Variants in CYP2A13 observed in about 807,000 individuals in gnomAD.
The protein encoded by CYP2A13 is cytochrome P450 2A13.
Under a neutral mutation model 39.4 loss-of-function variants are expected in CYP2A13, and 30 were observed. The observed-to-expected ratio is 0.76, with a 90% CI of 0.57 to 1.03. The LOEUF is 1.03. Ranked by LOEUF, CYP2A13 falls within the 50% of genes least tolerant of loss-of-function variation. CYP2A13 has a pLI of 0.00. For synonymous variants in CYP2A13, 269 were observed against 254.7 expected, an observed-to-expected ratio of 1.06 and a Z score of -0.54; for missense variants, 731 against 648.4, an observed-to-expected ratio of 1.13 and a Z score of -1.38.
chr19:41,094,146 A>T, intron 6 of CYP2A13, 99 bp from the exon 7 acceptor site: 1 of 1,528,340 alleles, frequency 6.5e-7, no homozygotes, highest in Non-Finnish European at 8.8e-7. Flanking sequence ...CCTCCGTGTC[A>T]TAGGTGGAGC....
At chr19:41,095,146 G>C (rs771376706) in intron 8 of CYP2A13, 46 bp downstream of exon 8, 1 of 1,613,826 alleles carries the variant, frequency 6.2e-7, no homozygotes, top group Admixed American at 1.7e-5. Flanking sequence ...ACACCAGCAG[G>C]GGCCTCTCTC....
intron 6 of CYP2A13, 102 bp downstream of exon 6, chr19:41,093,873 C>A: frequency 1.5e-6 from 2 of 1,374,566 alleles, no homozygotes; most frequent in Non-Finnish European, 2.0e-6. Context: ...GACCCTGAGA[C>A]GTGCCTTGCT....
chr19:41,093,859 C>T (rs2031243039), intron 6 of CYP2A13, 88 bp downstream of exon 6: 6 of 1,497,266 alleles, frequency 4.0e-6, no homozygotes, highest in South Asian at 1.3e-5. Flanking sequence ...ATCCCAGATC[C>T]CAGGACCCTG....
In CYP2A13 at chr19:41,095,031, A is replaced by G; in HGVS notation, c.1234A>G (p.Asn412Asp). Reference sequence around the variant, plus strand: ...GTTCTTCTCCAACCCCCGGGACTTCAATCCCCAGCACTTCCTGGATAAGAA... The same window carrying G: ...GTTCTTCTCCAACCCCCGGGACTTCGATCCCCAGCACTTCCTGGATAAGAA... ...PRFFSNPRDF[N>D]PQHFLDKKGQ... The change falls in exon 8 of 9, where the codon AAT (asparagine) becomes GAT (aspartate). Residue 412 changes from asparagine to aspartate, a missense_variant. By Grantham distance (23) the Asn-to-Asp change is conservative. Transcript: ENST00000330436. 1 of 1,614,132 alleles carries G rather than the reference A, an allele frequency of 6.2e-7. No homozygotes were observed. The highest frequency in any genetic ancestry group is 8.5e-7 in the Non-Finnish European group (1 of 1,180,034).
At position 41,095,936 on chromosome 19, in the gene CYP2A13, C is replaced by T. The variant is rs138870349; in HGVS notation, c.1480C>T (p.Arg494Cys). The T allele has an allele frequency of 2.6e-4, 397 of 1,505,954 alleles. 3 individuals carry two copies. In the East Asian group the frequency reaches 2.6e-3, roughly 10 times the overall value. 93.3% of individuals were successfully genotyped at this position (1,505,954 alleles called of 1,614,324 possible). ...AAACTACACCATGAGCTTCCTGCCC[C>T]GCTGAGCGAGGGCTGTGCTGGTGCA... ...PRNYTMSFLP[R>C] The change falls in exon 9 of 9, where the codon CGC becomes TGC. Residue 494 changes from arginine (R) to cysteine (C), a missense_variant. Arg to Cys is a radical substitution (Grantham distance 180). Coordinates refer to ENST00000330436, the MANE Select transcript of CYP2A13 (RefSeq NM_000766.5).
chr19:41,090,177 C>G lies in CYP2A13; in HGVS notation c.474C>G (p.Asp158Glu), dbSNP rs112337232. ...RIQEEAGFLI[D>E]ALRGTHGANI... ...AGGAGGAGGCGGGCTTCCTCATCGACGCCCTCCGGGGCACGCACGGTGAGT... is the reference window on the plus strand; with the variant it reads ...AGGAGGAGGCGGGCTTCCTCATCGAGGCCCTCCGGGGCACGCACGGTGAGT... The change falls in exon 3 of 9, where the codon GAC becomes GAG. Residue 158 changes from aspartate (D) to glutamate (E), a missense_variant. By Grantham distance (45) the Asp-to-Glu change is conservative. Coordinates refer to ENST00000330436, the MANE Select transcript of CYP2A13 (RefSeq NM_000766.5). 6.9e-3 allele frequency: 10,886 copies of G among 1,583,280 alleles called. 240 individuals carry two copies. In the African/African-American group the frequency reaches 0.069, roughly 10 times the overall value.
In CYP2A13 at chr19:41,096,110, A is replaced by G; in HGVS notation, c.*169A>G. On this transcript the variant is annotated 3_prime_UTR_variant, in exon 9 of 9. Coordinates refer to ENST00000330436, the MANE Select transcript of CYP2A13 (RefSeq NM_000766.5). ...AGAAGGGGCTCAGTTCACCTTGATG[A>G]TGTCCTTCAGAGCTGTGATGAGAGG... 1.0e-6 allele frequency: 1 copy of G among 993,404 alleles called. No homozygotes were observed. Among genetic ancestry groups the G allele is most frequent in the Non-Finnish European group, 1.5e-6 (1 of 676,248 alleles). 61.5% of individuals were successfully genotyped at this position (993,404 alleles called of 1,614,324 possible).
chr19:41,091,003 A>G (rs903026106), intron 4 of CYP2A13, among the ~76,000 whole-genome samples: 2 of 152,128 alleles, frequency 1.3e-5, no homozygotes, highest in African/African-American at 2.4e-5. Flanking sequence ...ATCTACACAA[A>G]TGTCACAGAT....
chr19:41,094,924 T>G, intron 7 of CYP2A13, 35 bp from the exon 8 acceptor site: 2 of 1,611,500 alleles, frequency 1.2e-6, no homozygotes. Context: ...CCCCCCAACC[T>G]GCCTCATTAC....
chr19:41,092,007 C>A, intron 5 of CYP2A13, 99 bp downstream of exon 5: 1 of 1,522,386 alleles, frequency 6.6e-7, no homozygotes, highest in Non-Finnish European at 8.9e-7. Context: ...TTCAAATTAG[C>A]CCTCGTCATA....
At chr19:41,094,456 C>G in intron 7 of CYP2A13, 24 bp downstream of exon 7, 1 of 1,613,668 alleles carries the variant, frequency 6.2e-7, no homozygotes, top group Non-Finnish European at 8.5e-7. Flanking sequence ...TCCACCACCA[C>G]CACTCAGACT....
chr19:41,095,673 C>G, intron 8 of CYP2A13, 87 bp from the exon 9 acceptor site: 1 of 1,539,718 alleles, frequency 6.5e-7, no homozygotes, highest in Middle Eastern at 1.7e-4. Context: ...ACCCCTCCTC[C>G]CTAGAGAGTG....
intron 7 of CYP2A13, 53 bp downstream of exon 7, chr19:41,094,485 T>C (rs2031259727): frequency 6.2e-7 from 1 of 1,601,236 alleles, no homozygotes; most frequent in Admixed American, 1.7e-5. Flanking sequence ...TTCCAGCCTC[T>C]CTCTGTGTCC....
chr19:41,092,685 C>T (rs1211510205), intron 5 of CYP2A13, among the ~76,000 whole-genome samples: 1 of 152,166 alleles, frequency 6.6e-6, no homozygotes, highest in African/African-American at 2.4e-5. Context: ...TGCTCTCTAA[C>T]CGTTCATGTC....
chr19:41,089,201 T>C (rs867608470), intron 2 of CYP2A13, 110 bp downstream of exon 2: 6 of 1,534,750 alleles, frequency 3.9e-6, no homozygotes, highest in Non-Finnish European at 5.3e-6. Flanking sequence ...CAGAGCCCCC[T>C]GTCTGGTCTT....
Position 41,090,109 on chromosome 19 carries a change from A to T in CYP2A13, c.406A>T (p.Arg136Trp). ...QLRRFSIATLRGFGVGKRGIE... is the reference protein window; with the variant it reads ...QLRRFSIATLWGFGVGKRGIE... ...CCGGCGCTTCTCCATCGCCACCCTA[A>T]GGGGTTTTGGCGTGGGCAAGCGCGG... The change falls in exon 3 of 9, where the codon AGG becomes TGG. Residue 136 changes from arginine (R) to tryptophan (W), a missense_variant. Arg to Trp is a moderately radical substitution (Grantham distance 101, BLOSUM62 -3). Transcript: ENST00000330436. The T allele has an allele frequency of 2.5e-6, 4 of 1,611,470 alleles. No individual in the cohort carries two copies. Among genetic ancestry groups the T allele is most frequent in the Non-Finnish European group, 3.4e-6 (4 of 1,178,912 alleles).
rs761398175 is a variant in CYP2A13, at chr19:41,089,533, A to T, written c.343+442A>T. On this transcript the variant is annotated intron_variant, in intron 2 of 8. Transcript: ENST00000330436. ...CCTACTTCCACATCTCCAGCCTCCA[A>T]CTCCTGGTAATTGTCTGTCCTCCTT... Among the ~76,000 whole-genome samples, 16 of 149,014 alleles carry T rather than the reference A, an allele frequency of 1.1e-4. No individual in the cohort carries two copies. In the South Asian group the frequency reaches 1.5e-3, roughly 14 times the overall value.
chr19:41,093,725 C>T lies in CYP2A13; in HGVS notation c.927C>T (p.Thr309=), dbSNP rs1168822637. 3.7e-6 allele frequency: 6 copies of T among 1,613,928 alleles called. No homozygotes were observed. Among genetic ancestry groups the T allele is most frequent in the Non-Finnish European group, 4.2e-6 (5 of 1,180,018 alleles). ...FFAGTETVST[T]LRYGFLLLMK... is the part of the protein sequence containing the mutation. ...CGGGCACTGAGACCGTGAGCACCAC[C>T]CTGCGCTACGGTTTCCTGCTGCTCA... is the stretch of plus-strand genomic sequence containing the variant. Residue 309 remains threonine (T), a synonymous_variant, in exon 6 of 9, where the codon ACC becomes ACT. Transcript: ENST00000330436.
At chr19:41,093,588 G>A in intron 5 of CYP2A13, 42 bp from the exon 6 acceptor site, 1 of 1,612,786 alleles carries the variant, frequency 6.2e-7, no homozygotes, top group Non-Finnish European at 8.5e-7. Context: ...GGCCCCAAGA[G>A]CATGGAGAGT....
Sources: allele counts gnomAD v4.1 joint callset (sites outside exome capture counted in the v4.1 genomes callset), GRCh38; gene constraint gnomAD v4.1.1; transcripts MANE v1.5; gene names NCBI Gene and HGNC (gene_info 2026-07-23, HGNC 2026-07-21).